GADL1: variants seen among roughly 807,000 people sequenced by gnomAD.
GADL1 encodes GAD like acidic amino acid decarboxylase 1, also known as acidic amino acid decarboxylase GADL1.
Under a neutral mutation model 69.5 loss-of-function variants are expected in GADL1, and 71 were observed. The observed-to-expected ratio is 1.02, with a 90% CI of 0.84 to 1.25. The LOEUF is 1.25. Ranked by LOEUF, GADL1 falls within the 50% of genes most tolerant of loss-of-function variation. GADL1 has a pLI of 0.00. For missense variants in GADL1, 737 were observed against 631.8 expected (o/e 1.17, Z -1.79); for synonymous variants, 254 against 214.4 (o/e 1.18, Z -1.62).
intron 8 of GADL1, among the ~76,000 whole-genome samples, chr3:30,843,628 T>C (rs1217324096): frequency 6.6e-6 from 1 of 152,230 alleles, no homozygotes; most frequent in Non-Finnish European, 1.5e-5. Flanking sequence ...CCCAGAGCCA[T>C]GCCTTGCCTT....
At chr3:30,867,158 A>G (rs1698415490) in intron 1 of GADL1, among the ~76,000 whole-genome samples, 1 of 152,034 alleles carries the variant, frequency 6.6e-6, no homozygotes, top group South Asian at 2.1e-4. Flanking sequence ...ATGAAGATTC[A>G]GAATCCGGAT....
chr3:30,845,796 C>T (rs1405741004), intron 6 of GADL1, among the ~76,000 whole-genome samples: 4 of 152,040 alleles, frequency 2.6e-5, no homozygotes, highest in East Asian at 1.9e-4. Flanking sequence ...TGACATAGCT[C>T]GGGTGAATTA....
In GADL1 at chr3:30,850,902, T is replaced by C. The variant is rs1301512626; in HGVS notation, c.468A>G (p.Glu156=). The change falls in exon 5 of 15, where the codon GAA becomes GAG. Residue 156 remains glutamate (E), a synonymous_variant. Coordinates refer to ENST00000282538, the MANE Select transcript of GADL1 (RefSeq NM_207359.3). ...YEVSPVFLLV[E]EAVLKKMIEF... ...CAATCATTTTCTTCAGAACCGCTTC[T>C]TCCACTAACAGAAACACTGGGGACA... 2 of 1,550,282 alleles carry C rather than the reference T, an allele frequency of 1.3e-6. No homozygotes were observed. The highest frequency in any genetic ancestry group is 1.4e-5 in the African/African-American group (1 of 73,014).
intron 8 of GADL1, among the ~76,000 whole-genome samples, chr3:30,843,244 AAAT>A (rs554613857): frequency 8.7e-4 from 130 of 148,846 alleles, no homozygotes; most frequent in Non-Finnish European, 1.5e-3. Context: ...GCTGAGACCA[AAAT>A]AATGATACAC....
chr3:30,767,489 AAAGT>A (rs1163800325), intron 14 of GADL1, among the ~76,000 whole-genome samples: 1 of 152,168 alleles, frequency 6.6e-6, no homozygotes, highest in African/African-American at 2.4e-5. Flanking sequence ...ACCCCATAAT[AAAGT>A]GTTAGGAGGA....
intron 14 of GADL1, among the ~76,000 whole-genome samples, chr3:30,757,532 T>C (rs571592933): frequency 6.6e-6 from 1 of 152,170 alleles, no homozygotes; most frequent in African/African-American, 2.4e-5. Context: ...TTAAAGCTAA[T>C]GTAATGCTAT....
intron 1 of GADL1, among the ~76,000 whole-genome samples, chr3:30,888,860 A>G (rs1698745853): frequency 6.6e-6 from 1 of 152,026 alleles, no homozygotes; most frequent in Non-Finnish European, 1.5e-5. Context: ...CACTTCTGTC[A>G]GAAAACCAAA....
intron 14 of GADL1, among the ~76,000 whole-genome samples, chr3:30,774,478 CATT>C (rs1389186272): frequency 6.6e-6 from 1 of 152,116 alleles, no homozygotes; most frequent in Non-Finnish European, 1.5e-5. Context: ...AAAAGTATAT[CATT>C]AATACCACAC....
At chr3:30,823,682 A>G (rs938337280) in intron 11 of GADL1, among the ~76,000 whole-genome samples, 1 of 152,026 alleles carries the variant, frequency 6.6e-6, no homozygotes, top group Admixed American at 6.6e-5. Flanking sequence ...AAGAAATAGT[A>G]ATAACACCAA....
intron 4 of GADL1, among the ~76,000 whole-genome samples, chr3:30,853,017 C>T (rs1436977143): frequency 6.6e-6 from 1 of 152,104 alleles, no homozygotes; most frequent in Non-Finnish European, 1.5e-5. Context: ...GCTGTTTAGG[C>T]TCTTAGTTGA....
chr3:30,734,343 T>C (rs60522426), intron 14 of GADL1, among the ~76,000 whole-genome samples: 13,929 of 152,234 alleles, frequency 0.091, 1,755 homozygotes, highest in African/African-American at 0.28. Context: ...ACCTAATGAA[T>C]ATTCTTATCT....
intron 12 of GADL1, among the ~76,000 whole-genome samples, chr3:30,790,024 G>A (rs1054758203): frequency 3.3e-5 from 5 of 152,120 alleles, no homozygotes; most frequent in Non-Finnish European, 7.4e-5. Flanking sequence ...TCATAACTTG[G>A]CTATTTGGCA....
chr3:30,733,242 A>G (rs1695490676), intron 14 of GADL1, among the ~76,000 whole-genome samples: 1 of 152,224 alleles, frequency 6.6e-6, no homozygotes. Flanking sequence ...TTGCTATAAA[A>G]GTTTCTAAAT....
chr3:30,818,661 T>C (rs1171634344), intron 11 of GADL1, among the ~76,000 whole-genome samples: 2 of 152,210 alleles, frequency 1.3e-5, no homozygotes, highest in Non-Finnish European at 2.9e-5. Flanking sequence ...GTATGTCCTA[T>C]GTAACATTTG....
chr3:30,894,533 CA>C, intron 1 of GADL1, 44 bp downstream of exon 1: 1 of 1,504,312 alleles, frequency 6.6e-7, no homozygotes, highest in Non-Finnish European at 9.0e-7. Flanking sequence ...AAAACCCAGA[CA>C]GGGGAGGTTA....
At chr3:30,758,009 ATGAGT>A (rs1390294772) in intron 14 of GADL1, among the ~76,000 whole-genome samples, 2 of 152,186 alleles carry the variant, frequency 1.3e-5, no homozygotes, top group Admixed American at 6.5e-5. Flanking sequence ...TCTCAATTCC[ATGAGT>A]TAAGTATTAA....
intron 14 of GADL1, among the ~76,000 whole-genome samples, chr3:30,752,123 C>T (rs912551407): frequency 1.3e-5 from 2 of 152,124 alleles, no homozygotes; most frequent in African/African-American, 4.8e-5. Context: ...CACAGTGGTA[C>T]CTGACTGAGT....
At chr3:30,847,990 G>A (rs1414345296) in intron 6 of GADL1, among the ~76,000 whole-genome samples, 1 of 152,054 alleles carries the variant, frequency 6.6e-6, no homozygotes, top group Non-Finnish European at 1.5e-5. Flanking sequence ...AATGAAAAAG[G>A]CAAAAGTAAA....
At chr3:30,814,136 G>A (rs775741473) in intron 11 of GADL1, among the ~76,000 whole-genome samples, 20 of 152,114 alleles carry the variant, frequency 1.3e-4, no homozygotes, top group East Asian at 7.7e-4. Context: ...CAAAACAGAA[G>A]GTGTCTTCAT....
Sources: gnomAD v4.1 joint callset for allele counts (sites outside exome capture counted in the v4.1 genomes callset) on GRCh38, gnomAD v4.1.1 for gene constraint, MANE v1.5 for transcripts, NCBI Gene and HGNC (gene_info 2026-07-23, HGNC 2026-07-21) for gene names.